Variants in LRRC4C observed in about 807,000 individuals in gnomAD.
The protein encoded by LRRC4C is leucine rich repeat containing 4C.
A neutral mutation model predicts 33.6 loss-of-function variants in LRRC4C; 5 were observed. That is an observed-to-expected ratio of 0.15 (90% confidence interval 0.08 to 0.31). The LOEUF is 0.31. LRRC4C is among the 10% of genes least tolerant of loss of function. The probability of loss-of-function intolerance (pLI) is 1.00; values close to 1 mark genes in which losing one functional copy is unlikely to be tolerated. For synonymous variants in LRRC4C, 329 were observed against 302.0 expected (o/e 1.09, Z -0.93); for missense variants, 560 against 796.7 (o/e 0.70, Z 3.58).
chr11:41,017,830 CAG>C (rs1368297371), intron 1 of LRRC4C, among the ~76,000 whole-genome samples: 1 of 150,806 alleles, frequency 6.6e-6, no homozygotes, highest in Admixed American at 6.6e-5. Flanking sequence ...GCAAAATACA[CAG>C]AGGATATCTG....
chr11:40,844,317 C>G (rs1342330259), intron 2 of LRRC4C, among the ~76,000 whole-genome samples: 1 of 151,820 alleles, frequency 6.6e-6, no homozygotes, highest in Non-Finnish European at 1.5e-5. Context: ...ATTATTTGCT[C>G]TAAACCAAAA....
At chr11:41,451,077 A>AATCGG (rs1352021115) in intron 1 of LRRC4C, among the ~76,000 whole-genome samples, 1 of 152,144 alleles carries the variant, frequency 6.6e-6, no homozygotes, top group Non-Finnish European at 1.5e-5. Flanking sequence ...TTGAGGGAAA[A>AATCGG]ATCGGATTGT....
At chr11:40,461,341 G>C (rs539547581) in intron 3 of LRRC4C, among the ~76,000 whole-genome samples, 1 of 152,172 alleles carries the variant, frequency 6.6e-6, no homozygotes, top group East Asian at 1.9e-4. Context: ...CTTTTTGCTG[G>C]ATTGCTTAAC....
intron 3 of LRRC4C, among the ~76,000 whole-genome samples, chr11:40,453,975 A>C (rs1952017955): frequency 6.6e-6 from 1 of 152,196 alleles, no homozygotes; most frequent in Non-Finnish European, 1.5e-5. Flanking sequence ...ATAAGTTAAA[A>C]ATAGTATAGC....
chr11:40,724,149 T>G (rs1011491857), intron 2 of LRRC4C, among the ~76,000 whole-genome samples: 7 of 152,096 alleles, frequency 4.6e-5, no homozygotes, highest in Non-Finnish European at 1.0e-4. Flanking sequence ...CTTAATTACA[T>G]AATAATAGTG....
intron 1 of LRRC4C, among the ~76,000 whole-genome samples, chr11:41,431,498 C>A (rs190977651): frequency 1.3e-5 from 2 of 151,922 alleles, no homozygotes; most frequent in Non-Finnish European, 2.9e-5. Context: ...ACAATTTTCC[C>A]CCTTGGTCAT....
At chr11:40,214,095 G>A (rs546282678) in intron 5 of LRRC4C, among the ~76,000 whole-genome samples, 8 of 152,216 alleles carry the variant, frequency 5.3e-5, no homozygotes, top group African/African-American at 1.7e-4. Flanking sequence ...GTGGAGGCTG[G>A]AGCAACTCCA....
intron 1 of LRRC4C, among the ~76,000 whole-genome samples, chr11:41,281,078 C>CTCTCTCTCTCTCTCTCTCTCCT (rs1491428513): frequency 2.4e-5 from 2 of 83,120 alleles, no homozygotes; most frequent in Non-Finnish European, 2.2e-5. Context: ...CTCTCTCTGT[C>CTCTCTCTCTCTCTCTCTCTCCT]CTCTCTCTCT....
In LRRC4C at chr11:40,365,604, C is replaced by T. The variant is rs114687835; in HGVS notation, c.-269-45883G>A. ...TTTTTAAGTAGAAGGATGTGTTAAC[C>T]AAACAAGAGGTGAGGGCTAAACATT... On this transcript the variant is annotated intron_variant, in intron 3 of 6. Coordinates refer to ENST00000528697, the MANE Select transcript of LRRC4C (RefSeq NM_001258419.2). 6.2e-3 allele frequency among the ~76,000 whole-genome samples: 935 copies of T among 151,848 alleles called. 9 individuals carry two copies. The highest frequency in any genetic ancestry group is 0.022 in the African/African-American group (897 of 41,392).
intron 2 of LRRC4C, among the ~76,000 whole-genome samples, chr11:40,778,859 G>T (rs1950111271): frequency 6.6e-6 from 1 of 152,158 alleles, no homozygotes; most frequent in African/African-American, 2.4e-5. Flanking sequence ...GTTGGGAAAG[G>T]GGTAGGGAAT....
At chr11:41,306,356 G>A (rs1190132428) in intron 1 of LRRC4C, among the ~76,000 whole-genome samples, 2 of 152,166 alleles carry the variant, frequency 1.3e-5, no homozygotes, top group Non-Finnish European at 2.9e-5. Context: ...GTAATACAAA[G>A]GGAAGAAGCA....
intron 2 of LRRC4C, among the ~76,000 whole-genome samples, chr11:40,857,999 G>C (rs1414432392): frequency 4.3e-5 from 4 of 93,572 alleles, no homozygotes; most frequent in Non-Finnish European, 7.1e-5. Flanking sequence ...GACAGGGACA[G>C]GGACAGGGAC....
chr11:40,991,548 A>T (rs896489922), intron 1 of LRRC4C, among the ~76,000 whole-genome samples: 1 of 152,202 alleles, frequency 6.6e-6, no homozygotes, highest in African/African-American at 2.4e-5. Flanking sequence ...CTTTATTTCT[A>T]TTATTACATT....
chr11:40,555,348 G>C (rs957726636), intron 3 of LRRC4C, among the ~76,000 whole-genome samples: 29 of 150,428 alleles, frequency 1.9e-4, no homozygotes, highest in Admixed American at 5.3e-4. Context: ...ATGTATATTT[G>C]GGGTAAAATC....
intron 1 of LRRC4C, among the ~76,000 whole-genome samples, chr11:41,369,770 A>ATT (rs1462274193): frequency 6.6e-6 from 1 of 152,176 alleles, no homozygotes; most frequent in African/African-American, 2.4e-5. Flanking sequence ...AGTAATGATG[A>ATT]GCACCTGGAG....
At chr11:40,152,317 A>G (rs914999442) in intron 5 of LRRC4C, among the ~76,000 whole-genome samples, 8 of 152,308 alleles carry the variant, frequency 5.3e-5, no homozygotes, top group African/African-American at 1.7e-4. Context: ...TGGGTCCCCA[A>G]GCAGCCCATT....
chr11:40,788,374 G>T (rs1208394708), intron 2 of LRRC4C, among the ~76,000 whole-genome samples: 8 of 151,878 alleles, frequency 5.3e-5, no homozygotes, highest in African/African-American at 1.9e-4. Flanking sequence ...AGACTCTGAT[G>T]CTTTATAATT....
intron 2 of LRRC4C, among the ~76,000 whole-genome samples, chr11:40,849,326 G>A (rs1468419837): frequency 6.6e-6 from 1 of 152,220 alleles, no homozygotes; most frequent in Non-Finnish European, 1.5e-5. Flanking sequence ...GCTCTTGTAA[G>A]GCAGGCCTGG....
intron 5 of LRRC4C, among the ~76,000 whole-genome samples, chr11:40,229,599 A>T (rs992022924): frequency 1.3e-5 from 2 of 152,208 alleles, no homozygotes; most frequent in African/African-American, 4.8e-5. Context: ...ATAGCAGCCC[A>T]CATATTTGTC....
Sources: gnomAD v4.1 joint callset for allele counts (sites outside exome capture counted in the v4.1 genomes callset) on GRCh38, gnomAD v4.1.1 for gene constraint, MANE v1.5 for transcripts, NCBI Gene and HGNC (gene_info 2026-07-23, HGNC 2026-07-21) for gene names.